The following MKLN1 variants were observed in gnomAD, a reference collection of about 807,000 sequenced individuals.
MKLN1 encodes the protein muskelin.
In MKLN1, 18 loss-of-function variants were observed where a neutral mutation model predicts 99.0. That is an observed-to-expected ratio of 0.18 (90% CI 0.13 to 0.27). The LOEUF (loss-of-function observed/expected upper bound fraction) is 0.27, where lower values mean the gene tolerates loss of function less well. Among genes scored for constraint, MKLN1 ranks in the 10% least tolerant of loss-of-function variants. MKLN1 has a pLI of 1.00. For missense variants in MKLN1, 621 were observed against 875.9 expected (o/e 0.71, Z 3.67); for synonymous variants, 288 against 293.2 (o/e 0.98, Z 0.18).
chr7:131,274,895 T>C (rs1024042993), intron 3 of MKLN1, among the ~76,000 whole-genome samples: 1 of 152,210 alleles, frequency 6.6e-6, no homozygotes, highest in African/African-American at 2.4e-5. Context: ...GCTCCTTTCT[T>C]AGTGCTGAGA....
rs765840896 is a variant in MKLN1 at position 131,464,394 on chromosome 7, G to A, written c.1774G>A (p.Asp592Asn). The A allele has an allele frequency of 6.2e-6, 10 of 1,608,048 alleles. No individual in the cohort carries two copies. In the South Asian group the frequency reaches 8.8e-5, roughly 14 times the overall value. ...AAGGTTTGCCCATCAGCTTGTATACGATGAGCTACACAAGGTATCCTAACT... is the reference window on the plus strand; with the variant it reads ...AAGGTTTGCCCATCAGCTTGTATACAATGAGCTACACAAGGTATCCTAACT... ...CPRFAHQLVYDELHKVHYLFG... is the reference protein window; with the variant it reads ...CPRFAHQLVYNELHKVHYLFG... Residue 592 changes from aspartate (D) to asparagine (N), a missense_variant, in exon 14 of 18, where the codon GAT becomes AAT. Coordinates refer to ENST00000352689, the MANE Select transcript of MKLN1 (RefSeq NM_013255.5).
intron 1 of MKLN1, among the ~76,000 whole-genome samples, chr7:131,113,667 CAAAAAAAAAAA>C (rs71168363): frequency 7.3e-5 from 7 of 96,504 alleles, no homozygotes; most frequent in African/African-American, 2.5e-4. Context: ...TACAAAAATA[CAAAAAAAAAAA>C]AAAAAAAAAT....
Position 131,327,989 on chromosome 7 carries a change from C to T in MKLN1, c.90C>T (p.Tyr30=). Residue 30 remains tyrosine (Y), a synonymous_variant, in exon 1 of 18, where the codon TAC becomes TAT. Transcript: ENST00000352689. ...LHKWSSFSST[Y]LPENILVDKP... is the part of the protein sequence containing the mutation. ...AGTGGAGCTCCTTTTCCTCCACCTA[C>T]CTTCCCGAGTAAGTGCCGGGCCTTG... 6.2e-7 allele frequency: 1 copy of T among 1,613,906 alleles called. No individual in the cohort carries two copies. The highest frequency in any genetic ancestry group is 8.5e-7 in the Non-Finnish European group (1 of 1,179,866).
chr7:131,324,184 A>G (rs1320296292), upstream of MKLN1: 1 of 152,250 alleles, frequency 6.6e-6, no homozygotes, highest in Non-Finnish European at 1.5e-5. Context: ...TCTTCTGTCC[A>G]AAGACAGAGA....
intron 1 of MKLN1, among the ~76,000 whole-genome samples, chr7:131,118,677 G>A (rs529626984): frequency 5.3e-5 from 8 of 152,240 alleles, no homozygotes; most frequent in Middle Eastern, 3.4e-3. Flanking sequence ...GGAGGTCTCC[G>A]GAAACTTACA....
chr7:131,118,184 T>C (rs1189864016), intron 1 of MKLN1, among the ~76,000 whole-genome samples: 3 of 152,178 alleles, frequency 2.0e-5, no homozygotes, highest in African/African-American at 7.2e-5. Flanking sequence ...GCTCACACCA[T>C]GTGACTTGCT....
At chr7:131,373,957 T>C (rs1328011294) in intron 1 of MKLN1, among the ~76,000 whole-genome samples, 1 of 152,022 alleles carries the variant, frequency 6.6e-6, no homozygotes, top group Non-Finnish European at 1.5e-5. Flanking sequence ...TTTGGAGGAG[T>C]ACTATTCATT....
chr7:131,347,152 T>C (rs1799587110), intron 1 of MKLN1, among the ~76,000 whole-genome samples: 1 of 151,900 alleles, frequency 6.6e-6, no homozygotes, highest in South Asian at 2.1e-4. Context: ...TACATAATAA[T>C]AGGCCTAGAA....
intron 2 of MKLN1, among the ~76,000 whole-genome samples, chr7:131,380,999 A>T (rs1793830941): frequency 6.6e-6 from 1 of 152,208 alleles, no homozygotes; most frequent in African/African-American, 2.4e-5. Context: ...TATTTTCATC[A>T]GCTAATCAAT....
At chr7:131,392,553 C>T (rs1353776232) in intron 4 of MKLN1, among the ~76,000 whole-genome samples, 1 of 151,806 alleles carries the variant, frequency 6.6e-6, no homozygotes, top group Non-Finnish European at 1.5e-5. Context: ...ATAGTAGATG[C>T]ACTCTTTCAG....
At chr7:131,434,472 G>A (rs1395750206) in intron 9 of MKLN1, among the ~76,000 whole-genome samples, 4 of 151,990 alleles carry the variant, frequency 2.6e-5, no homozygotes, top group African/African-American at 9.7e-5. Flanking sequence ...ATTTCTAATA[G>A]CTTCTTTTTT....
chr7:131,295,862 G>A (rs918544875), intron 3 of MKLN1, among the ~76,000 whole-genome samples: 4 of 143,676 alleles, frequency 2.8e-5, no homozygotes, highest in African/African-American at 1.1e-4. Flanking sequence ...TCCAGCCTGG[G>A]TAACAGAGCA....
At chr7:131,120,559 A>AAG (rs1795352077) in intron 1 of MKLN1, among the ~76,000 whole-genome samples, 1 of 150,602 alleles carries the variant, frequency 6.6e-6, no homozygotes. Context: ...AAAAAAAAAA[A>AAG]AAAAAAGAAA....
At chr7:131,133,546 G>A (rs565466375) in intron 1 of MKLN1, among the ~76,000 whole-genome samples, 3 of 150,958 alleles carry the variant, frequency 2.0e-5, no homozygotes, top group African/African-American at 7.3e-5. Context: ...TAGAGATGGG[G>A]TTTCACCATG....
intron 1 of MKLN1, among the ~76,000 whole-genome samples, chr7:131,334,982 C>T (rs1334249551): frequency 6.6e-6 from 1 of 152,072 alleles, no homozygotes; most frequent in Non-Finnish European, 1.5e-5. Flanking sequence ...TAGGTTCAAT[C>T]TTAGGATAGT....
rs192166230 is a variant in MKLN1 at position 131,474,212 on chromosome 7, G to T, written c.2031+3268G>T. Among the ~76,000 whole-genome samples the T allele has an allele frequency of 6.3e-4, 96 of 152,210 alleles. 1 individual carries two copies. Among genetic ancestry groups the T allele is most frequent in the African/African-American group, 2.1e-3 (89 of 41,536 alleles). The stretch of plus-strand genomic sequence containing the variant: ...GAGCAGATTCTTAATATATTTTAAA[G>T]ATAGAACCAACAGAATTTTATGATA... On this transcript the variant is annotated intron_variant, in intron 16 of 17. Coordinates refer to ENST00000352689, the MANE Select transcript of MKLN1 (RefSeq NM_013255.5).
intron 3 of MKLN1, chr7:131,242,768 G>T (rs1230488148): frequency 2.9e-6 from 2 of 695,322 alleles, no homozygotes; most frequent in African/African-American, 3.5e-5. Flanking sequence ...CCATGGGCAA[G>T]AAGAAGATCT....
chr7:131,480,063 G>T (rs1217524769), intron 17 of MKLN1, among the ~76,000 whole-genome samples: 1 of 151,226 alleles, frequency 6.6e-6, no homozygotes, highest in African/African-American at 2.4e-5. Context: ...TAATAAAGTG[G>T]GTGGTCTCTA....
At chr7:131,137,367 T>C (rs1237161874) in intron 1 of MKLN1, among the ~76,000 whole-genome samples, 1 of 152,220 alleles carries the variant, frequency 6.6e-6, no homozygotes, top group Non-Finnish European at 1.5e-5. Context: ...ATAATGGTTT[T>C]TTCCACATCC....
Sources: gnomAD v4.1 joint callset for allele counts (sites outside exome capture counted in the v4.1 genomes callset) on GRCh38, gnomAD v4.1.1 for gene constraint, MANE v1.5 for transcripts, NCBI Gene and HGNC (gene_info 2026-07-23, HGNC 2026-07-21) for gene names.